ADAMTSL1: variants seen among roughly 807,000 people sequenced by gnomAD.
The protein encoded by ADAMTSL1 is ADAMTS like 1, also known as ADAMTS-like protein 1.
ADAMTSL1 carries 126 observed loss-of-function variants against 201.8 expected under a neutral mutation model. The observed-to-expected ratio is 0.62, with a 90% CI of 0.54 to 0.72. ADAMTSL1 has a LOEUF of 0.72. Among genes scored for constraint, ADAMTSL1 ranks in the 30% least tolerant of loss-of-function variants. The probability of loss-of-function intolerance (pLI) is 0.00; values close to 1 mark genes in which losing one functional copy is unlikely to be tolerated. For missense variants in ADAMTSL1, 2,679 were observed against 2,277.8 expected (o/e 1.18, Z -3.59); for synonymous variants, 1,121 against 903.4 (o/e 1.24, Z -4.32).
chr9:18,386,961 C>T (rs1837819823), intron 2 of ADAMTSL1, among the ~76,000 whole-genome samples: 1 of 152,010 alleles, frequency 6.6e-6, no homozygotes, highest in East Asian at 1.9e-4. Flanking sequence ...TCAAGGTGTC[C>T]AAGAAAGCAA....
chr9:18,061,908 T>G (rs1822473281), intron 1 of ADAMTSL1, among the ~76,000 whole-genome samples: 1 of 152,214 alleles, frequency 6.6e-6, no homozygotes, highest in African/African-American at 2.4e-5. Context: ...GCAAAATGAT[T>G]GAGCATTTGT....
chr9:17,989,420 A>G (rs1214198668), intron 1 of ADAMTSL1, among the ~76,000 whole-genome samples: 2 of 151,902 alleles, frequency 1.3e-5, no homozygotes, highest in African/African-American at 4.8e-5. Context: ...TAATTAATCA[A>G]TATCCTATTA....
chr9:18,229,214 G>C (rs1209315577), intron 2 of ADAMTSL1, among the ~76,000 whole-genome samples: 3 of 152,134 alleles, frequency 2.0e-5, no homozygotes, highest in Non-Finnish European at 2.9e-5. Flanking sequence ...GGATGCAGCA[G>C]TTTAAGAGGA....
intron 1 of ADAMTSL1, among the ~76,000 whole-genome samples, chr9:18,019,794 G>C (rs1314080503): frequency 2.0e-5 from 3 of 152,054 alleles, no homozygotes; most frequent in African/African-American, 4.8e-5. Flanking sequence ...AGGAAAAACT[G>C]TTCAGTTACC....
At chr9:18,379,770 G>T (rs1168166605) in intron 2 of ADAMTSL1, among the ~76,000 whole-genome samples, 2 of 152,106 alleles carry the variant, frequency 1.3e-5, no homozygotes, top group African/African-American at 4.8e-5. Context: ...CTATGTCATA[G>T]AACAAAAAAG....
chr9:18,585,897 C>A (rs879551539), intron 4 of ADAMTSL1, among the ~76,000 whole-genome samples: 2 of 152,080 alleles, frequency 1.3e-5, no homozygotes, highest in African/African-American at 2.4e-5. Flanking sequence ...AACATCTCTT[C>A]TTGTTAAAAA....
At chr9:18,567,337 A>G (rs1043319436) in intron 3 of ADAMTSL1, among the ~76,000 whole-genome samples, 2 of 152,118 alleles carry the variant, frequency 1.3e-5, no homozygotes, top group Non-Finnish European at 2.9e-5. Flanking sequence ...ATGGTGGCAC[A>G]CACCTGTAAT....
chr9:18,187,584 TAAAA>T (rs1263256451), intron 2 of ADAMTSL1, among the ~76,000 whole-genome samples: 2 of 152,176 alleles, frequency 1.3e-5, no homozygotes, highest in African/African-American at 4.8e-5. Context: ...TAGAGAAACA[TAAAA>T]AAGGAAGCCA....
At chr9:18,715,711 T>C (rs1832884197) in intron 14 of ADAMTSL1, among the ~76,000 whole-genome samples, 1 of 152,030 alleles carries the variant, frequency 6.6e-6, no homozygotes. Flanking sequence ...ACCAATGACT[T>C]TCTTCACAGA....
chr9:18,827,453 A>G (rs530417765), intron 22 of ADAMTSL1, among the ~76,000 whole-genome samples: 1 of 152,240 alleles, frequency 6.6e-6, no homozygotes, highest in South Asian at 2.1e-4. Flanking sequence ...AGAGAGGCCC[A>G]AACGGGTTTT....
chr9:18,376,823 GTTGATGT>G (rs1358573060), intron 2 of ADAMTSL1, among the ~76,000 whole-genome samples: 1 of 151,938 alleles, frequency 6.6e-6, no homozygotes, highest in Non-Finnish European at 1.5e-5. Context: ...AAGACTTAAT[GTTGATGT>G]TTGTTCAGAT....
intron 2 of ADAMTSL1, among the ~76,000 whole-genome samples, chr9:18,410,645 A>G (rs889842266): frequency 5.3e-5 from 8 of 152,176 alleles, no homozygotes; most frequent in Admixed American, 3.3e-4. Flanking sequence ...GGTTGATTCC[A>G]TAACTTTGCT....
intron 1 of ADAMTSL1, among the ~76,000 whole-genome samples, chr9:18,108,196 ATTT>A (rs5896770): frequency 8.0e-5 from 10 of 125,522 alleles, no homozygotes; most frequent in Admixed American, 8.5e-5. Context: ...AGAGTGTGGA[ATTT>A]TTTTTTTTTT....
At chr9:18,543,032 C>G (rs1042080490) in intron 3 of ADAMTSL1, among the ~76,000 whole-genome samples, 1 of 152,160 alleles carries the variant, frequency 6.6e-6, no homozygotes, top group African/African-American at 2.4e-5. Context: ...TATACAATGC[C>G]CAGTTATTAG....
chr9:18,325,425 A>T (rs544877113), intron 2 of ADAMTSL1, among the ~76,000 whole-genome samples: 1 of 152,238 alleles, frequency 6.6e-6, no homozygotes, highest in Non-Finnish European at 1.5e-5. Flanking sequence ...AATAACTATC[A>T]TTACATACAT....
At chr9:18,735,933 C>T (rs1490402060) in intron 15 of ADAMTSL1, among the ~76,000 whole-genome samples, 1 of 151,470 alleles carries the variant, frequency 6.6e-6, no homozygotes, top group East Asian at 1.9e-4. Flanking sequence ...GGCAACAGAC[C>T]CCCCACCTCC....
At chr9:18,520,617 CT>C (rs1818633245) in intron 2 of ADAMTSL1, among the ~76,000 whole-genome samples, 1 of 152,156 alleles carries the variant, frequency 6.6e-6, no homozygotes, top group Non-Finnish European at 1.5e-5. Context: ...TCCCTAGGGC[CT>C]TGTTAGTGCC....
rs1334344567 is a variant in ADAMTSL1, at chr9:17,945,155, G to A, written c.87+38233G>A. 5.2e-5 allele frequency among the ~76,000 whole-genome samples: 7 copies of A among 135,108 alleles called. No homozygotes were observed. The East Asian group carries it at 1.5e-3, about 29-fold the overall frequency. The allele number at this position is 135,108 out of a possible 152,430, so 88.6% of individuals were successfully genotyped here. A position where few individuals can be genotyped will look rare whatever the true frequency, so the allele number is the denominator to read the frequency against. On this transcript the variant is annotated intron_variant, in intron 1 of 29. Transcript: ENST00000680146. ...ACAACCCCATCAAAAAGTGGGCAAAGGACATGAACAGACACTTCTCAAAAG... is the reference window on the plus strand; with the variant it reads ...ACAACCCCATCAAAAAGTGGGCAAAAGACATGAACAGACACTTCTCAAAAG...
chr9:18,496,520 C>T (rs1164689142), intron 1 of ADAMTSL1, among the ~76,000 whole-genome samples: 1 of 152,096 alleles, frequency 6.6e-6, no homozygotes, highest in Non-Finnish European at 1.5e-5. Flanking sequence ...CAATAGTCAA[C>T]CAAAGAAAAG....
Sources: allele counts gnomAD v4.1 joint callset (sites outside exome capture counted in the v4.1 genomes callset), GRCh38; gene constraint gnomAD v4.1.1; transcripts MANE v1.5; gene names NCBI Gene and HGNC (gene_info 2026-07-23, HGNC 2026-07-21).